RAD54L: variants seen among roughly 807,000 people sequenced by gnomAD.
RAD54L encodes DNA repair and recombination protein RAD54-like.
In RAD54L, 74 loss-of-function variants were observed where a neutral mutation model predicts 91.6. The observed-to-expected ratio is 0.81, with a 90% CI of 0.67 to 0.98. RAD54L has a LOEUF of 0.98. Ranked by LOEUF, RAD54L falls within the 50% of genes least tolerant of loss-of-function variation. The pLI, the probability that RAD54L is intolerant of heterozygous loss-of-function variation, is 0.00. For synonymous variants in RAD54L, 304 were observed against 349.7 expected (o/e 0.87, Z 1.46); for missense variants, 887 against 945.7 (o/e 0.94, Z 0.81).
At chr1:46,270,596 A>G (rs1660394349) in intron 9 of RAD54L, 63 bp from the exon 10 acceptor site, 2 of 1,605,238 alleles carry the variant, frequency 1.2e-6, no homozygotes, top group African/African-American at 2.7e-5. Flanking sequence ...GTCTGCCATC[A>G]CTAGCTGTGG....
chr1:46,253,580 G>A (rs1311835161), intron 3 of RAD54L, among the ~76,000 whole-genome samples: 2 of 151,310 alleles, frequency 1.3e-5, no homozygotes, highest in Admixed American at 6.6e-5. Context: ...GTGCCACTGC[G>A]CTCCAGCCTG....
At chr1:46,273,275 T>G (rs1660488475) in intron 12 of RAD54L, 80 bp from the exon 13 acceptor site, 10 of 1,195,750 alleles carry the variant, frequency 8.4e-6, no homozygotes, top group Non-Finnish European at 1.3e-5. Context: ...TGGGCTAGGC[T>G]TCTAGAGGGA....
In RAD54L at chr1:46,272,672, G is replaced by A; in HGVS notation, c.1245G>A (p.Arg415=). 1 of 1,614,168 alleles carries A rather than the reference G, an allele frequency of 6.2e-7. No individual in the cohort carries two copies. The highest frequency in any genetic ancestry group is 1.1e-5 in the South Asian group (1 of 91,074). Residue 415 remains arginine, a splice_region_variant and synonymous_variant, in exon 12 of 18, where the codon AGG becomes AGA. Transcript: ENST00000371975. ...PVKIEQVVCC[R]LTPLQTELYK... Reference sequence around the variant, plus strand: ...CCACTGACCCAGCTGCCTTTTTTAGGCTGACACCCCTTCAGACTGAGTTAT... The same window carrying A: ...CCACTGACCCAGCTGCCTTTTTTAGACTGACACCCCTTCAGACTGAGTTAT...
chr1:46,277,814 C>T lies in RAD54L; in HGVS notation c.1870-3C>T, dbSNP rs759736246. The T allele has an allele frequency of 6.2e-6, 10 of 1,604,262 alleles. No homozygotes were observed. Among genetic ancestry groups the T allele is most frequent in the Middle Eastern group, 1.7e-4 (1 of 6,012 alleles). The stretch of plus-strand genomic sequence containing the variant: ...TTGACATTCCCCACCTCCTCTTCCC[C>T]AGGCAGGGACCATTGAGGAGAAGAT... On this transcript the variant is annotated splice_polypyrimidine_tract_variant and splice_region_variant and intron_variant, in intron 16 of 17. Coordinates refer to ENST00000371975, the MANE Select transcript of RAD54L (RefSeq NM_003579.4).
chr1:46,272,437 C>G, intron 10 of RAD54L, 29 bp from the exon 11 acceptor site: 1 of 1,556,918 alleles, frequency 6.4e-7, no homozygotes, highest in Non-Finnish European at 8.9e-7. Context: ...TTTTACCAGC[C>G]TCTTGCCTTT....
rs769892580 is a variant in RAD54L at position 46,272,782 on chromosome 1, C to T, written c.1355C>T (p.Ser452Leu). The change falls in exon 12 of 18, where the codon TCG becomes TTG. Residue 452 changes from serine (S) to leucine (L), a missense_variant. Transcript: ENST00000371975. Reference sequence around the variant, plus strand: ...GTGTCTTCCCTTTCTTCCATCACCTCGCTAAAGAAGCTTTGTAATCGTGAG... The same window carrying T: ...GTGTCTTCCCTTTCTTCCATCACCTTGCTAAAGAAGCTTTGTAATCGTGAG... ...MSVSSLSSITSLKKLCNHPAL... is the reference protein window; with the variant it reads ...MSVSSLSSITLLKKLCNHPAL... The T allele has an allele frequency of 1.3e-5, 21 of 1,614,208 alleles. No homozygotes were observed. The highest frequency in any genetic ancestry group is 1.7e-5 in the Admixed American group (1 of 60,032).
In RAD54L at chr1:46,270,682, C is replaced by G. The variant is rs1375571898; in HGVS notation, c.1066C>G (p.His356Asp). The change falls in exon 10 of 18, where the codon CAT (histidine) becomes GAT (aspartate). Residue 356 changes from histidine to aspartate, a missense_variant. Coordinates refer to ENST00000371975, the MANE Select transcript of RAD54L (RefSeq NM_003579.4). ...AGGGACTGCCCATGAATTCAAGAAG[C>G]ATTTTGAATTGCCAATTTTGAAGGG... is the stretch of plus-strand genomic sequence containing the variant. ...ILGTAHEFKK[H>D]FELPILKGRD... The G allele has an allele frequency of 2.5e-6, 4 of 1,614,084 alleles. No homozygotes were observed. Among genetic ancestry groups the G allele is most frequent in the Non-Finnish European group, 3.4e-6 (4 of 1,180,028 alleles).
intron 3 of RAD54L, 137 bp downstream of exon 3, chr1:46,250,256 C>T: frequency 8.1e-7 from 1 of 1,241,356 alleles, no homozygotes; most frequent in South Asian, 1.2e-5. Context: ...TTGGACCTGC[C>T]CACAGCTGCT....
In RAD54L at chr1:46,260,607, G is replaced by C. The variant is rs148273228; in HGVS notation, c.473G>C (p.Arg158Thr). The C allele has an allele frequency of 1.2e-5, 20 of 1,613,960 alleles. No individual in the cohort carries two copies. The highest frequency in any genetic ancestry group is 4.0e-5 in the African/African-American group (3 of 74,926). ...ILSKVLRPHQREGVKFLWECV... is the reference protein window; with the variant it reads ...ILSKVLRPHQTEGVKFLWECV... ...AGTAAGGTTTTGCGGCCTCATCAGA[G>C]AGAGGTAAATGAGGGTGAGGGGAAC... is the stretch of plus-strand genomic sequence containing the variant. Residue 158 changes from arginine (R) to threonine (T), a missense_variant, in exon 6 of 18, where the codon AGA becomes ACA. Transcript: ENST00000371975.
chr1:46,256,381 G>T (rs184212366), intron 3 of RAD54L, among the ~76,000 whole-genome samples: 3 of 152,156 alleles, frequency 2.0e-5, no homozygotes, highest in African/African-American at 7.2e-5. Context: ...ACTGGCCAAG[G>T]GTCCTTTTTG....
In RAD54L at chr1:46,260,794, C is replaced by T. The variant is rs1290190578; in HGVS notation, c.545C>T (p.Ala182Val). ...RIPGSHGCIM[A>V]DEMGLGKTLQ... ...CCTGGCAGCCATGGCTGCATCATGGCTGATGAGATGGGCCTAGGAAAGACG... is the reference window on the plus strand; with the variant it reads ...CCTGGCAGCCATGGCTGCATCATGGTTGATGAGATGGGCCTAGGAAAGACG... Residue 182 changes from alanine to valine, a missense_variant, in exon 7 of 18, where the codon GCT (alanine) becomes GTT (valine). Physicochemically the swap from Ala to Val is moderately conservative, Grantham distance 64 (BLOSUM62 0). Coordinates refer to ENST00000371975, the MANE Select transcript of RAD54L (RefSeq NM_003579.4). 6.2e-7 allele frequency: 1 copy of T among 1,614,214 alleles called. No homozygotes were observed. Among genetic ancestry groups the T allele is most frequent in the South Asian group, 1.1e-5 (1 of 91,090 alleles).
chr1:46,273,407 T>C lies in RAD54L; in HGVS notation c.1428T>C (p.Gly476=), dbSNP rs1660492589. Residue 476 remains glycine (G), a synonymous_variant, in exon 13 of 18, where the codon GGT becomes GGC. Transcript: ENST00000371975. ...TGGAAGAGGAGGATGGCTTTGTGGGTGCCTTGGACCTCTTCCCTCCTGGTT... is the reference window on the plus strand; with the variant it reads ...TGGAAGAGGAGGATGGCTTTGTGGGCGCCTTGGACCTCTTCCCTCCTGGTT... ...KCVEEEDGFV[G]ALDLFPPGYS... is the part of the protein sequence containing the mutation. The C allele has an allele frequency of 6.2e-7, 1 of 1,614,096 alleles. No individual in the cohort carries two copies. Among genetic ancestry groups the C allele is most frequent in the African/African-American group, 1.3e-5 (1 of 75,052 alleles).
At chr1:46,253,286 A>G (rs1231951014) in intron 3 of RAD54L, among the ~76,000 whole-genome samples, 1 of 152,204 alleles carries the variant, frequency 6.6e-6, no homozygotes, top group Admixed American at 6.5e-5. Flanking sequence ...TTTGACTTGT[A>G]TTAATGCTTT....
At chr1:46,258,531 G>T (rs1461693284) in intron 3 of RAD54L, among the ~76,000 whole-genome samples, 155 bp from the exon 4 acceptor site, 2 of 152,110 alleles carry the variant, frequency 1.3e-5, no homozygotes, top group African/African-American at 4.8e-5. Context: ...GTTGACTGAG[G>T]CTGGGCCCTT....
At chr1:46,262,106 G>A (rs919639753) in intron 8 of RAD54L, among the ~76,000 whole-genome samples, 2 of 151,902 alleles carry the variant, frequency 1.3e-5, no homozygotes, top group African/African-American at 4.8e-5. Context: ...GATGGGGTGT[G>A]AAACCCTGTC....
chr1:46,250,158 CCA>C, intron 3 of RAD54L, 39 bp downstream of exon 3: 1 of 1,613,218 alleles, frequency 6.2e-7, no homozygotes, highest in South Asian at 1.1e-5. Context: ...ATGTCTGTGC[CCA>C]GTCACTCAGC....
At chr1:46,251,840 G>A (rs1255085011) in intron 3 of RAD54L, among the ~76,000 whole-genome samples, 1 of 152,210 alleles carries the variant, frequency 6.6e-6, no homozygotes, top group Non-Finnish European at 1.5e-5. Flanking sequence ...AGCTTAGGAG[G>A]TGGAGGTTGC....
intron 12 of RAD54L, among the ~76,000 whole-genome samples, chr1:46,273,008 C>T (rs1361348731): frequency 8.5e-5 from 13 of 152,352 alleles, no homozygotes; most frequent in South Asian, 2.1e-4. Flanking sequence ...AACTCATCTT[C>T]TGTCCAGCCC....
intron 3 of RAD54L, among the ~76,000 whole-genome samples, chr1:46,255,525 G>A (rs901892783): frequency 1.5e-4 from 19 of 122,676 alleles, no homozygotes; most frequent in Non-Finnish European, 9.6e-5. Flanking sequence ...TTGAGACATA[G>A]TCTTGCTCTG....
Sources: allele counts gnomAD v4.1 joint callset (sites outside exome capture counted in the v4.1 genomes callset), GRCh38; gene constraint gnomAD v4.1.1; transcripts MANE v1.5; gene names NCBI Gene and HGNC (gene_info 2026-07-23, HGNC 2026-07-21).